The following NME8 variants were observed in gnomAD, a reference collection of about 807,000 sequenced individuals.
NME8 encodes NME/NM23 family member 8.
NME8 carries 72 observed loss-of-function variants against 82.3 expected under a neutral mutation model. The observed-to-expected ratio is 0.87, with a 90% CI of 0.72 to 1.06. The LOEUF (loss-of-function observed/expected upper bound fraction) is 1.06, where lower values mean the gene tolerates loss of function less well. NME8 is among the 50% of genes least tolerant of loss of function. The pLI is 0.00. For missense variants in NME8, 712 were observed against 685.4 expected (o/e 1.04, Z -0.43); for synonymous variants, 267 against 228.5 (o/e 1.17, Z -1.52).
chr7:37,876,824 T>G lies in NME8; in HGVS notation c.819-8T>G. ...AATAATCTTAAATTATATTTTGGAT[T>G]TTGACAGTTTACAAGAATATCTGGA... On this transcript the variant is annotated splice_polypyrimidine_tract_variant and splice_region_variant and intron_variant, in intron 11 of 17. Transcript: ENST00000199447. 1.2e-6 allele frequency: 2 copies of G among 1,601,482 alleles called. No homozygotes were observed. The highest frequency in any genetic ancestry group is 1.3e-5 in the African/African-American group (1 of 74,710).
intron 6 of NME8, among the ~76,000 whole-genome samples, chr7:37,860,332 C>T (rs1178865372): frequency 6.6e-6 from 1 of 152,092 alleles, no homozygotes; most frequent in Non-Finnish European, 1.5e-5. Flanking sequence ...CTCCTCAATC[C>T]ATTCTACCTG....
chr7:37,889,894 A>C (rs766751312), intron 15 of NME8, among the ~76,000 whole-genome samples: 3 of 152,004 alleles, frequency 2.0e-5, no homozygotes, highest in Non-Finnish European at 2.9e-5. Flanking sequence ...GATCTGTCAG[A>C]AACTAGAGGT....
chr7:37,860,394 C>T (rs1373304154), intron 6 of NME8, among the ~76,000 whole-genome samples: 1 of 152,152 alleles, frequency 6.6e-6, no homozygotes, highest in Non-Finnish European at 1.5e-5. Context: ...CAAGTACCAG[C>T]CTGTACTAAG....
At chr7:37,881,709 AAATT>A (rs1210393114) in intron 12 of NME8, among the ~76,000 whole-genome samples, 1 of 152,210 alleles carries the variant, frequency 6.6e-6, no homozygotes, top group East Asian at 1.9e-4. Context: ...TGAAAAAAAT[AAATT>A]GTTTCCAGAG....
intron 2 of NME8, 87 bp downstream of exon 2, chr7:37,849,143 C>G (rs1422442859): frequency 6.6e-6 from 1 of 152,090 alleles, no homozygotes; most frequent in East Asian, 1.9e-4. Context: ...CGTGCACTAT[C>G]GCCCGCACGC....
rs552026583 is a variant in NME8 at position 37,899,242 on chromosome 7, G to T, written c.*16-1002G>T. Among the ~76,000 whole-genome samples, 8 of 152,196 alleles carry T rather than the reference G, an allele frequency of 5.3e-5. No individual in the cohort carries two copies. The East Asian group carries it at 1.5e-3, about 29-fold the overall frequency. On this transcript the variant is annotated intron_variant, in intron 17 of 17. Coordinates refer to ENST00000199447, the MANE Select transcript of NME8 (RefSeq NM_016616.5). ...AAGATACATGCACGGATATATTCAT[G>T]GCAGAACTATTTACAATAGCAAAGA...
chr7:37,878,478 C>T (rs144273704), intron 12 of NME8, among the ~76,000 whole-genome samples: 40 of 152,258 alleles, frequency 2.6e-4, no homozygotes, highest in Non-Finnish European at 4.0e-4. Flanking sequence ...AGATGAGAAG[C>T]AGTCACTCCT....
At position 37,857,307 on chromosome 7, in the gene NME8, T is replaced by C; in HGVS notation, c.232T>C (p.Phe78Leu). Reference protein sequence around the residue: ...EADNIVTLQPFRDKCEPVFLF... With the variant: ...EADNIVTLQPLRDKCEPVFLF... ...TGACAACATTGTGACTTTGCAGCCA[T>C]TTAGAGATAAATGTGAACCTGTTTT... Residue 78 changes from phenylalanine to leucine, a missense_variant, in exon 6 of 18, where the codon TTT becomes CTT. By Grantham distance (22) the Phe-to-Leu change is conservative (BLOSUM62 0). Transcript: ENST00000199447. The C allele has an allele frequency of 6.2e-7, 1 of 1,611,712 alleles. No homozygotes were observed. Among genetic ancestry groups the C allele is most frequent in the Non-Finnish European group, 8.5e-7 (1 of 1,178,408 alleles).
chr7:37,898,820 A>G (rs10226308), intron 17 of NME8, among the ~76,000 whole-genome samples: 21,676 of 152,226 alleles, frequency 0.14, 1,738 homozygotes, highest in Middle Eastern at 0.24. Flanking sequence ...AATGTCATTA[A>G]TAACATTGAT....
intron 5 of NME8, among the ~76,000 whole-genome samples, chr7:37,852,496 T>A (rs1377147032): frequency 6.6e-6 from 1 of 152,188 alleles, no homozygotes; most frequent in African/African-American, 2.4e-5. Context: ...CTCTGTAATC[T>A]GTTCATCTCT....
rs1473461270 is a variant in NME8, at chr7:37,850,690, A to G, written c.153A>G (p.Lys51=). The part of the protein sequence containing the change: ...PCRAMQPLFR[K]LKNELNEDEI... The stretch of plus-strand genomic sequence containing the variant: ...GAGCAATGCAACCTTTATTCAGAAA[A>G]TTGAAAAATGAACTGAACGAAGACG... The change falls in exon 5 of 18, where the codon AAA becomes AAG. Residue 51 remains lysine, a synonymous_variant. Coordinates refer to ENST00000199447, the MANE Select transcript of NME8 (RefSeq NM_016616.5). The G allele has an allele frequency of 3.7e-6, 6 of 1,613,924 alleles. No homozygotes were observed. The highest frequency in any genetic ancestry group is 5.1e-6 in the Non-Finnish European group (6 of 1,179,812).
At position 37,850,293 on chromosome 7, in the gene NME8, G is replaced by A. The variant is rs1784420617; in HGVS notation, c.27G>A (p.Gln9=). ...TGGCAAGCAAAAAACGAGAAGTCCA[G>A]TTACAGGTGGGTCTGACATATCAAC... MASKKREV[Q]LQTVINNQSL... The change falls in exon 3 of 18, where the codon CAG becomes CAA. Residue 9 remains glutamine, a synonymous_variant. Coordinates refer to ENST00000199447, the MANE Select transcript of NME8 (RefSeq NM_016616.5). 2.5e-6 allele frequency: 4 copies of A among 1,614,038 alleles called. No homozygotes were observed. The African/African-American group carries it at 4.0e-5, about 16-fold the overall frequency.
intron 12 of NME8, among the ~76,000 whole-genome samples, chr7:37,881,535 C>T (rs990554809): frequency 6.6e-6 from 1 of 152,104 alleles, no homozygotes; most frequent in South Asian, 2.1e-4. Flanking sequence ...TTTTTTTATA[C>T]ATTGTTAAAT....
At chr7:37,870,225 C>T (rs146327242) in intron 11 of NME8, among the ~76,000 whole-genome samples, 4 of 138,284 alleles carry the variant, frequency 2.9e-5, no homozygotes, top group Admixed American at 7.7e-5. Context: ...TACACTAACA[C>T]TAATGATAGC....
At position 37,848,987 on chromosome 7, in the gene NME8, A is replaced by ACAAC. The variant is rs1784400619; in HGVS notation, c.-77_-76insCAAC. ...ACGGCCACAACGAGGGAGCCGATTT[A>ACAAC]GATCCTCTGGGCCTGTTCCTTCCTT... On this transcript the variant is annotated 5_prime_UTR_variant, in exon 2 of 18. It removes the in-frame stop codon of an upstream open reading frame in the 5' UTR. Coordinates refer to ENST00000199447, the MANE Select transcript of NME8 (RefSeq NM_016616.5). 2 of 152,376 alleles carry ACAAC rather than the reference A, an allele frequency of 1.3e-5. 1 individual carries two copies. The highest frequency in any genetic ancestry group is 4.1e-4 in the South Asian group (2 of 4,832). The allele number at this position is 152,376 out of a possible 1,614,324, so 9.4% of individuals were successfully genotyped here. A position where few individuals can be genotyped will look rare whatever the true frequency, so the allele number is the denominator to read the frequency against.
Position 37,850,649 on chromosome 7 carries a change from T to C in NME8, c.112T>C (p.Trp38Arg). ...TCTAGTGATTGATGTTTACCAAGCC[T>C]GGTGTGGACCTTGCAGAGCAATGCA... ...GLTVIDVYQA[W>R]CGPCRAMQPL... is the part of the protein sequence containing the mutation. Residue 38 changes from tryptophan (W) to arginine (R), a missense_variant, in exon 5 of 18, where the codon TGG (tryptophan) becomes CGG (arginine). Physicochemically the swap from Trp to Arg is moderately radical, Grantham distance 101 (BLOSUM62 -3). Transcript: ENST00000199447. 6.2e-7 allele frequency: 1 copy of C among 1,611,994 alleles called. No individual in the cohort carries two copies.
chr7:37,885,000 A>G (rs533134131), intron 13 of NME8, 145 bp from the exon 14 acceptor site: 2 of 653,098 alleles, frequency 3.1e-6, no homozygotes, highest in African/African-American at 3.6e-5. Flanking sequence ...TATCAACGGA[A>G]AAAAATCACA....
chr7:37,868,215 G>C (rs571599386), intron 11 of NME8, among the ~76,000 whole-genome samples: 1 of 152,312 alleles, frequency 6.6e-6, no homozygotes, highest in East Asian at 1.9e-4. Context: ...CTCAGTGAGA[G>C]AGGACTGAGC....
chr7:37,898,779 ATTGT>A (rs1785269625), intron 17 of NME8, among the ~76,000 whole-genome samples: 1 of 152,310 alleles, frequency 6.6e-6, no homozygotes, highest in South Asian at 2.1e-4. Context: ...TATTTTGGAA[ATTGT>A]TTGTGGTGAT....
Sources: allele counts gnomAD v4.1 joint callset (sites outside exome capture counted in the v4.1 genomes callset), GRCh38; gene constraint gnomAD v4.1.1; transcripts MANE v1.5; gene names NCBI Gene and HGNC (gene_info 2026-07-23, HGNC 2026-07-21).